The following PTPRD variants were observed in gnomAD, a reference collection of about 807,000 sequenced individuals.
PTPRD encodes the protein receptor-type tyrosine-protein phosphatase delta.
PTPRD carries 34 observed loss-of-function variants against 214.5 expected under a neutral mutation model. That is an observed-to-expected ratio of 0.16 (90% confidence interval 0.12 to 0.21). PTPRD has a LOEUF of 0.21. Ranked by LOEUF, PTPRD falls within the 10% of genes least tolerant of loss-of-function variation. The pLI is 1.00. For missense variants in PTPRD, 2,545 were observed against 2,398.7 expected (o/e 1.06, Z -1.27); for synonymous variants, 1,128 against 845.7 (o/e 1.33, Z -5.79).
intron 26 of PTPRD, among the ~76,000 whole-genome samples, chr9:8,494,232 T>C (rs1361906338): frequency 1.3e-5 from 2 of 152,128 alleles, no homozygotes; most frequent in African/African-American, 4.8e-5. Flanking sequence ...TAGAGCTCAA[T>C]TGTTGAAGCT....
chr9:8,655,003 A>G (rs542664363), intron 12 of PTPRD, among the ~76,000 whole-genome samples: 2 of 152,344 alleles, frequency 1.3e-5, no homozygotes, highest in South Asian at 2.1e-4. Context: ...AAAACGTAGG[A>G]TAATAGGAAT....
chr9:10,605,624 GAGA>G (rs1306842428), intron 2 of PTPRD, among the ~76,000 whole-genome samples: 1 of 151,772 alleles, frequency 6.6e-6, no homozygotes, highest in Non-Finnish European at 1.5e-5. Flanking sequence ...GACAGCAAAG[GAGA>G]AGGACAATAA....
intron 3 of PTPRD, among the ~76,000 whole-genome samples, chr9:10,302,757 C>A (rs2095904898): frequency 6.6e-6 from 1 of 152,202 alleles, no homozygotes; most frequent in Non-Finnish European, 1.5e-5. Flanking sequence ...CACCCAGATT[C>A]ACGAAACCAT....
intron 2 of PTPRD, among the ~76,000 whole-genome samples, chr9:10,501,060 T>A (rs192084407): frequency 6.6e-6 from 1 of 151,944 alleles, no homozygotes; most frequent in Admixed American, 6.6e-5. Flanking sequence ...TGCCCAGCAG[T>A]GGGGTTGCTG....
chr9:8,894,858 A>G (rs2098594929), intron 11 of PTPRD, among the ~76,000 whole-genome samples: 1 of 152,050 alleles, frequency 6.6e-6, no homozygotes, highest in African/African-American at 2.4e-5. Context: ...ACCAACTTAA[A>G]TTAAGAATTA....
chr9:8,762,756 G>A (rs755121440), intron 11 of PTPRD, among the ~76,000 whole-genome samples: 5 of 152,150 alleles, frequency 3.3e-5, no homozygotes, highest in East Asian at 1.9e-4. Context: ...TAGGAAAAAC[G>A]TCTCTCTTTA....
chr9:9,371,512 T>C (rs2059484053), intron 9 of PTPRD, among the ~76,000 whole-genome samples: 1 of 152,200 alleles, frequency 6.6e-6, no homozygotes, highest in South Asian at 2.1e-4. Context: ...TTTTCTTCTT[T>C]ATTAGTCTTG....
chr9:10,575,550 T>C (rs2132149604), intron 2 of PTPRD, among the ~76,000 whole-genome samples: 1 of 152,192 alleles, frequency 6.6e-6, no homozygotes, highest in Middle Eastern at 3.4e-3. Context: ...TTCTTTTAAA[T>C]CAGTCTTGTA....
chr9:9,306,341 A>C (rs1188304641), intron 9 of PTPRD, among the ~76,000 whole-genome samples: 2 of 151,872 alleles, frequency 1.3e-5, no homozygotes, highest in Non-Finnish European at 1.5e-5. Flanking sequence ...AGGTGGGTGG[A>C]TCACCTGAGG....
At chr9:9,664,103 AAAAAG>A (rs1480134410) in intron 7 of PTPRD, among the ~76,000 whole-genome samples, 1 of 150,714 alleles carries the variant, frequency 6.6e-6, no homozygotes, top group Non-Finnish European at 1.5e-5. Flanking sequence ...AAAAAAAAAA[AAAAAG>A]AAGTTATGAC....
chr9:10,496,349 T>A (rs1333087983), intron 2 of PTPRD, among the ~76,000 whole-genome samples: 2 of 151,982 alleles, frequency 1.3e-5, no homozygotes, highest in Non-Finnish European at 2.9e-5. Flanking sequence ...CAGGCAAAGA[T>A]ATATAAGCCC....
Position 9,851,766 on chromosome 9 carries a change from C to T in PTPRD, c.-367-84915G>A, listed in dbSNP as rs959561254. On this transcript the variant is annotated intron_variant, in intron 5 of 45. Transcript: ENST00000381196. ...CTGCATTCCAACCTGGACAACACAG[C>T]GAGACCCTGTCTCAATTAAAAACAA... Among the ~76,000 whole-genome samples the T allele has an allele frequency of 3.9e-5, 6 of 152,112 alleles. No individual in the cohort carries two copies. In the South Asian group the frequency reaches 1.2e-3, roughly 32 times the overall value.
intron 9 of PTPRD, among the ~76,000 whole-genome samples, chr9:9,231,830 C>T (rs777780862): frequency 2.3e-4 from 35 of 152,034 alleles, no homozygotes; most frequent in African/African-American, 6.3e-4. Flanking sequence ...TTGCTGCACC[C>T]GTCAACTCAT....
chr9:9,266,662 A>G (rs964913024), intron 9 of PTPRD, among the ~76,000 whole-genome samples: 4 of 151,328 alleles, frequency 2.6e-5, no homozygotes, highest in Non-Finnish European at 5.9e-5. Flanking sequence ...TTAAGTATAA[A>G]TAGGTTTAAA....
At chr9:9,450,677 T>C (rs1434335372) in intron 8 of PTPRD, among the ~76,000 whole-genome samples, 2 of 151,900 alleles carry the variant, frequency 1.3e-5, no homozygotes, top group Non-Finnish European at 2.9e-5. Flanking sequence ...AATTTTGTTT[T>C]CGTAACTTGA....
At chr9:9,552,910 A>G (rs1177936601) in intron 8 of PTPRD, among the ~76,000 whole-genome samples, 3 of 152,082 alleles carry the variant, frequency 2.0e-5, no homozygotes, top group African/African-American at 7.2e-5. Flanking sequence ...GACAAGCTCT[A>G]CTGACAGTGC....
At chr9:9,024,045 T>A (rs373745435) in intron 10 of PTPRD, among the ~76,000 whole-genome samples, 1 of 151,814 alleles carries the variant, frequency 6.6e-6, no homozygotes, top group East Asian at 1.9e-4. Context: ...ACAAAATACA[T>A]TGAAGAAAAA....
intron 9 of PTPRD, among the ~76,000 whole-genome samples, chr9:9,393,382 C>T (rs759141685): frequency 5.3e-5 from 8 of 152,064 alleles, no homozygotes; most frequent in Non-Finnish European, 8.8e-5. Flanking sequence ...GCATGCTATG[C>T]GAAAAACCAT....
In PTPRD at chr9:9,935,476, A is replaced by G. The variant is rs527333379; in HGVS notation, c.-368+3031T>C. 9.3e-3 allele frequency among the ~76,000 whole-genome samples: 1,420 copies of G among 152,184 alleles called. 22 individuals carry two copies. Among genetic ancestry groups the G allele is most frequent in the African/African-American group, 0.031 (1,276 of 41,458 alleles). The stretch of plus-strand genomic sequence containing the variant: ...AATCATGAGTGAACTCCCATTCACA[A>G]TTGCTTCAAAGAGAATAAAATACCT... On this transcript the variant is annotated intron_variant, in intron 5 of 45. Coordinates refer to ENST00000381196, the MANE Select transcript of PTPRD (RefSeq NM_002839.4).
Sources: allele counts gnomAD v4.1 joint callset (sites outside exome capture counted in the v4.1 genomes callset), GRCh38; gene constraint gnomAD v4.1.1; transcripts MANE v1.5; gene names NCBI Gene and HGNC (gene_info 2026-07-23, HGNC 2026-07-21).